Variants in RICTOR observed in about 807,000 individuals in gnomAD.
RICTOR encodes rapamycin-insensitive companion of mTOR.
RICTOR carries 49 observed loss-of-function variants against 214.9 expected under a neutral mutation model. That is an observed-to-expected ratio of 0.23 (90% CI 0.18 to 0.29). The LOEUF (loss-of-function observed/expected upper bound fraction) is 0.29, where lower values mean the gene tolerates loss of function less well. RICTOR is among the 10% of genes least tolerant of loss of function. The pLI is 1.00. For missense variants in RICTOR, 1,625 were observed against 2,047.0 expected, an observed-to-expected ratio of 0.79 and a Z score of 3.98; for synonymous variants, 717 against 711.3, an observed-to-expected ratio of 1.01 and a Z score of -0.13.
At chr5:38,971,373 A>ATTTTTTTTTTTTTT (rs1561477192) in intron 11 of RICTOR, 1 of 100,714 alleles carries the variant, frequency 9.9e-6, no homozygotes, top group Non-Finnish European at 2.3e-5. Context: ...TAACAACAGC[A>ATTTTTTTTTTTTTT]ATTTTTTTTT....
chr5:38,975,801 C>G (rs1751183462), intron 9 of RICTOR, among the ~76,000 whole-genome samples, 197 bp from the exon 10 acceptor site: 1 of 152,220 alleles, frequency 6.6e-6, no homozygotes, highest in African/African-American at 2.4e-5. Context: ...AAACTCACAA[C>G]ATCGTTTAAG....
In RICTOR at chr5:39,059,594, C is replaced by G. The variant is rs980782186; in HGVS notation, c.97+14517G>C. ...AAGGTCCTCAACAACTTACCCTTAT[C>G]CTACAAATCTAATACTAAAATTCTA... On this transcript the variant is annotated intron_variant, in intron 2 of 37. Transcript: ENST00000357387. Among the ~76,000 whole-genome samples the G allele has an allele frequency of 4.5e-4, 68 of 152,024 alleles. 1 individual carries two copies. Among genetic ancestry groups the G allele is most frequent in the Non-Finnish European group, 2.1e-4 (14 of 67,940 alleles).
chr5:38,945,642 A>T lies in RICTOR; in HGVS notation c.4482T>A (p.Asn1494Lys). ...RQQMSLTEIM[N>K]SIHSDASLFL... Reference sequence around the variant, plus strand: ...ACAGAGAGGCATCTGAATGGATTGAATTCATTATTTCCGTAAGACTCATCT... The same window carrying T: ...ACAGAGAGGCATCTGAATGGATTGATTTCATTATTTCCGTAAGACTCATCT... The change falls in exon 34 of 38, where the codon AAT (asparagine) becomes AAA (lysine). Residue 1494 changes from asparagine (N) to lysine (K), a missense_variant. Physicochemically the swap from Asn to Lys is moderately conservative, Grantham distance 94. This residue lies in a region of RICTOR where 1,214 missense variants were observed against 1,470.5 expected (regional missense o/e 0.83). Coordinates refer to ENST00000357387, the MANE Select transcript of RICTOR (RefSeq NM_152756.5). 6.2e-7 allele frequency: 1 copy of T among 1,614,074 alleles called. No individual in the cohort carries two copies. Among genetic ancestry groups the T allele is most frequent in the South Asian group, 1.1e-5 (1 of 91,084 alleles).
rs68031684 is a variant in RICTOR at position 38,940,143 on chromosome 5, CA to C, written c.*2160del. On this transcript the variant is annotated 3_prime_UTR_variant, in exon 38 of 38. Coordinates refer to ENST00000357387, the MANE Select transcript of RICTOR (RefSeq NM_152756.5). ...TCAAAGTAACAGTAAAAAAAAAAAACAAAAAAAAAAACACAAAACATTCAGG... is the reference window on the plus strand; with the variant it reads ...TCAAAGTAACAGTAAAAAAAAAAAACAAAAAAAAAACACAAAACATTCAGG... 45,515 of 180,710 alleles carry C rather than the reference CA, an allele frequency of 0.25. 4,858 individuals carry two copies. The highest frequency in any genetic ancestry group is 0.4 in the African/African-American group (15,051 of 37,634). The allele number at this position is 180,710 out of a possible 1,614,324, so 11.2% of individuals were successfully genotyped here.
intron 6 of RICTOR, among the ~76,000 whole-genome samples, chr5:38,992,813 T>C (rs948314120): frequency 1.3e-5 from 2 of 152,176 alleles, no homozygotes; most frequent in African/African-American, 4.8e-5. Context: ...GCAGTCACTG[T>C]TAAAACTGTA....
chr5:39,048,976 A>G (rs1020510433), intron 2 of RICTOR, among the ~76,000 whole-genome samples: 4 of 152,222 alleles, frequency 2.6e-5, no homozygotes, highest in Non-Finnish European at 4.4e-5. Context: ...TCTGGGTAAC[A>G]CTGTAAACAA....
chr5:39,013,293 A>T (rs1754687707), intron 3 of RICTOR, among the ~76,000 whole-genome samples: 1 of 152,172 alleles, frequency 6.6e-6, no homozygotes, highest in Non-Finnish European at 1.5e-5. Flanking sequence ...TACAAATCTT[A>T]TTTTAAGACG....
At chr5:38,997,166 T>TA (rs1753241621) in intron 5 of RICTOR, among the ~76,000 whole-genome samples, 1 of 152,110 alleles carries the variant, frequency 6.6e-6, no homozygotes, top group Non-Finnish European at 1.5e-5. Context: ...ATAATAAACA[T>TA]AAAGTGTAAA....
At position 39,041,962 on chromosome 5, in the gene RICTOR, A is replaced by G. The variant is rs1757207611; in HGVS notation, c.98-20826T>C. ...TTTCAAAAAAAAAAAAAAAAAAAAA[A>G]ATTTAATATGTTTAATTAAAAATGA... On this transcript the variant is annotated intron_variant, in intron 2 of 37. Transcript: ENST00000357387. 2.7e-5 allele frequency among the ~76,000 whole-genome samples: 4 copies of G among 150,520 alleles called. No individual in the cohort carries two copies. The South Asian group carries it at 8.4e-4, about 31-fold the overall frequency.
At chr5:38,943,737 CG>C (rs1336061683) in intron 36 of RICTOR, among the ~76,000 whole-genome samples, 1 of 151,946 alleles carries the variant, frequency 6.6e-6, no homozygotes, top group Non-Finnish European at 1.5e-5. Flanking sequence ...TGCTTGAACC[CG>C]GGAGGCAGAG....
chr5:38,955,758 T>G (rs1170034827), intron 25 of RICTOR, 54 bp from the exon 26 acceptor site: 2 of 953,002 alleles, frequency 2.1e-6, no homozygotes, highest in East Asian at 4.8e-5. Flanking sequence ...GTCACTAAAT[T>G]TAAAATATGT....
intron 10 of RICTOR, among the ~76,000 whole-genome samples, chr5:38,973,360 A>G (rs1327569477): frequency 6.6e-6 from 1 of 152,170 alleles, no homozygotes; most frequent in Admixed American, 6.5e-5. Flanking sequence ...AGTGAAGAGG[A>G]CTATGTCTGC....
intron 2 of RICTOR, among the ~76,000 whole-genome samples, chr5:39,073,194 G>A (rs1215861054): frequency 6.6e-6 from 1 of 152,104 alleles, no homozygotes; most frequent in East Asian, 1.9e-4. Context: ...CAGCTGAACC[G>A]GGTTACACTC....
intron 2 of RICTOR, among the ~76,000 whole-genome samples, chr5:39,072,477 G>A (rs963839504): frequency 2.6e-5 from 4 of 152,140 alleles, no homozygotes; most frequent in African/African-American, 9.7e-5. Flanking sequence ...CATCTGAGCA[G>A]GTTTTTAATG....
At chr5:38,973,297 C>A (rs1264634520) in intron 10 of RICTOR, among the ~76,000 whole-genome samples, 1 of 152,120 alleles carries the variant, frequency 6.6e-6, no homozygotes, top group Non-Finnish European at 1.5e-5. Context: ...CAAATCAGGA[C>A]CATAAACAGA....
At position 38,998,700 on chromosome 5, in the gene RICTOR, G is replaced by A. The variant is rs552472418; in HGVS notation, c.393-1818C>T. Reference sequence around the variant, plus strand: ...AGAAGAAAAGATGAAGAAATGAAGCGGAGACCTGAAATCTTTAAATAAAAC... The same window carrying A: ...AGAAGAAAAGATGAAGAAATGAAGCAGAGACCTGAAATCTTTAAATAAAAC... On this transcript the variant is annotated intron_variant, in intron 5 of 37. Transcript: ENST00000357387. 1.6e-4 allele frequency among the ~76,000 whole-genome samples: 25 copies of A among 152,126 alleles called. No individual in the cohort carries two copies. In the Middle Eastern group the frequency reaches 0.014, roughly 83 times the overall value.
At chr5:38,974,224 A>G (rs6870073) in intron 10 of RICTOR, among the ~76,000 whole-genome samples, 57,530 of 151,454 alleles carry the variant, frequency 0.38, 11,175 homozygotes, top group East Asian at 0.47. Flanking sequence ...TAATTTTTGT[A>G]TTTTTAGTAG....
At chr5:38,944,717 A>C in intron 35 of RICTOR, 148 bp from the exon 36 acceptor site, 3 of 872,128 alleles carry the variant, frequency 3.4e-6, no homozygotes, top group Non-Finnish European at 5.2e-6. Flanking sequence ...AACTCTAATA[A>C]AAGCAGATAG....
rs930501693 is a variant in RICTOR, at chr5:38,941,198, C to G, written c.*1106G>C. 3 of 232,704 alleles carry G rather than the reference C, an allele frequency of 1.3e-5. No homozygotes were observed. The highest frequency in any genetic ancestry group is 5.6e-5 in the Admixed American group (1 of 17,750). 14.4% of individuals were successfully genotyped at this position (232,704 alleles called of 1,614,324 possible). A position where few individuals can be genotyped will look rare whatever the true frequency, so the allele number is the denominator to read the frequency against. On this transcript the variant is annotated 3_prime_UTR_variant, in exon 38 of 38. Coordinates refer to ENST00000357387, the MANE Select transcript of RICTOR (RefSeq NM_152756.5). Reference sequence around the variant, plus strand: ...AAAGGCAATTAATATACTCATAAACCCACCTACCACTGCATTTAGTTTGTG... The same window carrying G: ...AAAGGCAATTAATATACTCATAAACGCACCTACCACTGCATTTAGTTTGTG...
Sources: allele counts gnomAD v4.1 joint callset (sites outside exome capture counted in the v4.1 genomes callset), GRCh38; gene constraint gnomAD v4.1.1; regional missense constraint gnomAD v4.1.1; transcripts MANE v1.5; gene names NCBI Gene and HGNC (gene_info 2026-07-23, HGNC 2026-07-21).